The following FOCAD variants were observed in gnomAD, a reference collection of about 807,000 sequenced individuals.
The protein encoded by FOCAD is focadhesin, also known as KIAA1797.
A neutral mutation model predicts 225.6 loss-of-function variants in FOCAD; 198 were observed. The ratio of observed to expected loss-of-function variants is 0.88; its 90% CI spans 0.78 to 0.99. The LOEUF (loss-of-function observed/expected upper bound fraction) is 0.99. Among genes scored for constraint, FOCAD ranks in the 50% least tolerant of loss-of-function variants. The pLI, the probability that FOCAD is intolerant of heterozygous loss-of-function variation, is 0.00. For synonymous variants in FOCAD, 897 were observed against 755.0 expected (o/e 1.19, Z -3.08); for missense variants, 2,713 against 2,123.6 (o/e 1.28, Z -5.46).
At chr9:20,966,936 A>T (rs769693277) in intron 35 of FOCAD, among the ~76,000 whole-genome samples, 2 of 152,038 alleles carry the variant, frequency 1.3e-5, no homozygotes, top group East Asian at 1.9e-4. Flanking sequence ...CTATAGCTGT[A>T]TAGTAAGATT....
intron 5 of FOCAD, among the ~76,000 whole-genome samples, chr9:20,749,235 T>C (rs1462289700): frequency 5.3e-5 from 8 of 152,156 alleles, no homozygotes; most frequent in Non-Finnish European, 4.4e-5. Context: ...TAATAGGAAG[T>C]ATATTTTCAC....
chr9:20,981,768 T>A, intron 38 of FOCAD, 82 bp downstream of exon 38: 1 of 1,467,162 alleles, frequency 6.8e-7, no homozygotes, highest in Non-Finnish European at 9.2e-7. Context: ...GGGAGGTGTA[T>A]GTTTTAAGAA....
At chr9:20,722,955 G>A (rs78307807) in intron 4 of FOCAD, among the ~76,000 whole-genome samples, 13 of 152,178 alleles carry the variant, frequency 8.5e-5, no homozygotes, top group Non-Finnish European at 1.8e-4. Context: ...AGCAGCTCAT[G>A]GGGCCAATGT....
chr9:20,942,077 A>C (rs1836715573), intron 28 of FOCAD, among the ~76,000 whole-genome samples: 1 of 152,218 alleles, frequency 6.6e-6, no homozygotes, highest in Non-Finnish European at 1.5e-5. Context: ...GAGGGGACCT[A>C]TTCAGAGGGG....
intron 15 of FOCAD, among the ~76,000 whole-genome samples, chr9:20,843,245 T>A (rs761638922): frequency 7.2e-5 from 11 of 152,124 alleles, no homozygotes; most frequent in Non-Finnish European, 1.6e-4. Context: ...TAACATCCTT[T>A]TCTTTCAGAT....
chr9:20,948,311 G>C lies in FOCAD; in HGVS notation c.3716G>C (p.Gly1239Ala), dbSNP rs753556258. 4 of 1,612,086 alleles carry C rather than the reference G, an allele frequency of 2.5e-6. No individual in the cohort carries two copies. The highest frequency in any genetic ancestry group is 2.2e-5 in the East Asian group (1 of 44,766). ...FALALGNIVH[G>A]LSVCGHGKAE... ...CTGGCTTTAGGAAACATAGTTCATG[G>C]ATTGTCTGTGTGTGGACATGGAAAA... The change falls in exon 31 of 44, where the codon GGA (glycine) becomes GCA (alanine). Residue 1239 changes from glycine (G) to alanine (A), a missense_variant. Coordinates refer to ENST00000338382, the MANE Select transcript of FOCAD (RefSeq NM_001375567.1).
rs921244730 is a variant in FOCAD, at chr9:20,781,772, C to T, written c.1040C>T (p.Ser347Phe). Reference sequence around the variant, plus strand: ...ACTGAGGATCAGAAAATCCCAAAGTCCTCTCTGCTGCTAGTGATGCCAATT... The same window carrying T: ...ACTGAGGATCAGAAAATCCCAAAGTTCTCTCTGCTGCTAGTGATGCCAATT... ...SVTEDQKIPK[S>F]SLLLVMPILQ... Residue 347 changes from serine (S) to phenylalanine (F), a missense_variant, in exon 10 of 44, where the codon TCC becomes TTC. Ser to Phe is a radical substitution (Grantham distance 155). Transcript: ENST00000338382. The T allele has an allele frequency of 7.4e-6, 12 of 1,613,908 alleles. No individual in the cohort carries two copies. Among genetic ancestry groups the T allele is most frequent in the African/African-American group, 1.3e-5 (1 of 74,922 alleles).
chr9:20,820,273 G>A (rs1564029844), intron 12 of FOCAD, 51 bp from the exon 13 acceptor site: 3 of 1,374,844 alleles, frequency 2.2e-6, no homozygotes, highest in Non-Finnish European at 3.0e-6. Flanking sequence ...GTAACCTCGA[G>A]GTTGTCTGCA....
chr9:20,800,635 C>A (rs185647349), intron 11 of FOCAD, among the ~76,000 whole-genome samples: 1 of 152,222 alleles, frequency 6.6e-6, no homozygotes, highest in Admixed American at 6.5e-5. Context: ...TCCAGTTGAT[C>A]GAATCGGCTA....
chr9:20,818,780 T>C (rs1824008911), intron 11 of FOCAD, among the ~76,000 whole-genome samples: 1 of 152,168 alleles, frequency 6.6e-6, no homozygotes, highest in African/African-American at 2.4e-5. Flanking sequence ...AGCTTTGTGG[T>C]AAATTTGGAA....
intron 5 of FOCAD, among the ~76,000 whole-genome samples, chr9:20,756,251 A>C (rs1487099062): frequency 1.3e-5 from 2 of 152,116 alleles, no homozygotes; most frequent in South Asian, 2.1e-4. Flanking sequence ...AGCAAGCAGG[A>C]GGCTGCCAGC....
At chr9:20,741,039 C>T (rs1264567371) in intron 5 of FOCAD, among the ~76,000 whole-genome samples, 3 of 152,050 alleles carry the variant, frequency 2.0e-5, no homozygotes, top group Admixed American at 6.6e-5. Flanking sequence ...GTATGTTGCC[C>T]TAGGAACTCT....
chr9:20,848,797 T>C (rs1200266899), intron 15 of FOCAD, among the ~76,000 whole-genome samples: 1 of 151,976 alleles, frequency 6.6e-6, no homozygotes, highest in Non-Finnish European at 1.5e-5. Flanking sequence ...TGACATCTAA[T>C]TGAATGAAGA....
At chr9:20,944,008 A>G (rs776622741) in intron 28 of FOCAD, among the ~76,000 whole-genome samples, 1 of 152,144 alleles carries the variant, frequency 6.6e-6, no homozygotes, top group Non-Finnish European at 1.5e-5. Context: ...TCATTTGTCC[A>G]TTTTCTCTTC....
intron 35 of FOCAD, among the ~76,000 whole-genome samples, chr9:20,968,431 C>CTTTTTTTTTTTTTTTTTTTTTTTTT (rs35624897): frequency 1.8e-4 from 8 of 43,632 alleles, no homozygotes; most frequent in Non-Finnish European, 2.0e-4. Flanking sequence ...TTTTCTTATT[C>CTTTTTTTTTTTTTTTTTTTTTTTTT]TTTTTTTTTT....
chr9:20,774,353 T>C (rs1818545799), intron 8 of FOCAD, among the ~76,000 whole-genome samples: 1 of 152,234 alleles, frequency 6.6e-6, no homozygotes, highest in Non-Finnish European at 1.5e-5. Context: ...CTTTTCTTTT[T>C]ATGATGTTAG....
chr9:20,886,734 C>G (rs925999230), intron 21 of FOCAD, among the ~76,000 whole-genome samples: 6 of 152,150 alleles, frequency 3.9e-5, no homozygotes, highest in Admixed American at 3.9e-4. Flanking sequence ...GGATTTTAGA[C>G]TGGATTCCAT....
At chr9:20,659,865 A>G (rs1821658400) in intron 2 of FOCAD, among the ~76,000 whole-genome samples, 1 of 152,230 alleles carries the variant, frequency 6.6e-6, no homozygotes, top group South Asian at 2.1e-4. Context: ...GGCTTGACTA[A>G]GGCAGTGACC....
At chr9:20,706,614 C>G (rs1165508929) in intron 1 of FOCAD, among the ~76,000 whole-genome samples, 1 of 152,164 alleles carries the variant, frequency 6.6e-6, no homozygotes, top group African/African-American at 2.4e-5. Context: ...TGAACTCTGT[C>G]ATGATGACTT....
Sources: gnomAD v4.1 joint callset for allele counts (sites outside exome capture counted in the v4.1 genomes callset) on GRCh38, gnomAD v4.1.1 for gene constraint, MANE v1.5 for transcripts, NCBI Gene and HGNC (gene_info 2026-07-23, HGNC 2026-07-21) for gene names.